Variants in ITSN2 observed in about 807,000 individuals in gnomAD.
ITSN2 encodes intersectin-2.
A neutral mutation model predicts 243.7 loss-of-function variants in ITSN2; 156 were observed. The observed-to-expected ratio is 0.64, with a 90% CI of 0.56 to 0.73. ITSN2 has a LOEUF of 0.73. ITSN2 is among the 30% of genes least tolerant of loss of function. ITSN2 has a pLI of 0.00. For missense variants in ITSN2, 1,801 were observed against 1,996.1 expected (o/e 0.90, Z 1.86); for synonymous variants, 703 against 699.9 (o/e 1.00, Z -0.07).
chr2:24,302,419 C>T (rs1245902250), intron 9 of ITSN2, among the ~76,000 whole-genome samples: 1 of 151,942 alleles, frequency 6.6e-6, no homozygotes, highest in Admixed American at 6.6e-5. Flanking sequence ...AGGATGGTCT[C>T]GATCTCCTGA....
At position 24,210,919 on chromosome 2, in the gene ITSN2, G is replaced by A; in HGVS notation, c.4118C>T (p.Ala1373Val). The A allele has an allele frequency of 6.2e-7, 1 of 1,614,220 alleles. No individual in the cohort carries two copies. The highest frequency in any genetic ancestry group is 8.5e-7 in the Non-Finnish European group (1 of 1,180,038). Residue 1373 changes from alanine to valine, a missense_variant, in exon 34 of 40, where the codon GCA becomes GTA. Ala to Val is a moderately conservative substitution (Grantham distance 64). Coordinates refer to ENST00000355123, the MANE Select transcript of ITSN2 (RefSeq NM_006277.3). ...GGCCAGCTTTAGGGAGGAATGGTCTGCATGGCTCTCCGGGGTGTTCTCCAG... is the reference window on the plus strand; with the variant it reads ...GGCCAGCTTTAGGGAGGAATGGTCTACATGGCTCTCCGGGGTGTTCTCCAG... ...SILENTPESH[A>V]DHSSLKLALE...
chr2:24,299,225 G>A (rs528515531), intron 12 of ITSN2, among the ~76,000 whole-genome samples: 1 of 151,946 alleles, frequency 6.6e-6, no homozygotes, highest in African/African-American at 2.4e-5. Context: ...TAGAGAGAGG[G>A]TTTCACCATG....
chr2:24,261,397 T>C (rs1675835590), intron 21 of ITSN2, 147 bp from the exon 22 acceptor site: 3 of 888,472 alleles, frequency 3.4e-6, no homozygotes, highest in East Asian at 2.6e-5. Context: ...TACTGACCCA[T>C]GTTTTCACTT....
At chr2:24,284,710 A>G in intron 17 of ITSN2, 53 bp downstream of exon 17, 1 of 1,100,494 alleles carries the variant, frequency 9.1e-7, no homozygotes, top group Non-Finnish European at 1.4e-6. Flanking sequence ...AGTTTTAAAA[A>G]AATAAAACAG....
chr2:24,257,106 C>T (rs1218773862), intron 23 of ITSN2, among the ~76,000 whole-genome samples: 1 of 152,084 alleles, frequency 6.6e-6, no homozygotes, highest in Non-Finnish European at 1.5e-5. Flanking sequence ...CGCTTGAGCC[C>T]AGGAGTTTGA....
chr2:24,234,568 C>T (rs1671942818), intron 29 of ITSN2, among the ~76,000 whole-genome samples: 1 of 151,834 alleles, frequency 6.6e-6, no homozygotes. Context: ...AGACAAGGCA[C>T]AGACTGAAAA....
At chr2:24,321,826 C>T (rs1333393413) in intron 2 of ITSN2, 1 of 152,148 alleles carries the variant, frequency 6.6e-6, no homozygotes, top group Non-Finnish European at 1.5e-5. Context: ...TTATTGAACC[C>T]TGACTATTGT....
chr2:24,332,440 TTAA>T (rs972642068), intron 1 of ITSN2, among the ~76,000 whole-genome samples: 1 of 152,080 alleles, frequency 6.6e-6, no homozygotes, highest in Admixed American at 6.6e-5. Context: ...GAACTAAATA[TTAA>T]TAATATTACT....
chr2:24,275,615 C>T, intron 18 of ITSN2, 98 bp downstream of exon 18: 1 of 916,360 alleles, frequency 1.1e-6, no homozygotes, highest in South Asian at 1.9e-5. Flanking sequence ...TTAGGATAAT[C>T]CCTTTATTTT....
At chr2:24,265,757 G>A (rs917878178) in intron 20 of ITSN2, among the ~76,000 whole-genome samples, 2 of 152,132 alleles carry the variant, frequency 1.3e-5, no homozygotes. Flanking sequence ...CCATTTGTTC[G>A]ATATTCTAGG....
chr2:24,263,451 G>T (rs1269896648), intron 20 of ITSN2, among the ~76,000 whole-genome samples: 2 of 151,966 alleles, frequency 1.3e-5, no homozygotes, highest in African/African-American at 2.4e-5. Context: ...CATGTTTAAG[G>T]TGTTAAATTT....
intron 29 of ITSN2, among the ~76,000 whole-genome samples, chr2:24,227,224 C>T (rs561762712): frequency 6.6e-6 from 1 of 150,754 alleles, no homozygotes; most frequent in African/African-American, 2.4e-5. Flanking sequence ...GAGGGTCACA[C>T]TCACAACTGT....
At chr2:24,322,562 C>CT (rs1684700533) in intron 2 of ITSN2, among the ~76,000 whole-genome samples, 1 of 152,118 alleles carries the variant, frequency 6.6e-6, no homozygotes, top group Non-Finnish European at 1.5e-5. Flanking sequence ...GAACCTCAAC[C>CT]TTCCAGCATA....
At chr2:24,208,113 C>T in intron 37 of ITSN2, 124 bp downstream of exon 37, 1 of 843,094 alleles carries the variant, frequency 1.2e-6, no homozygotes. Flanking sequence ...GCTCTCTGGT[C>T]TGATCCCGCA....
At chr2:24,306,459 G>T (rs763429911) in intron 8 of ITSN2, among the ~76,000 whole-genome samples, 5 of 152,110 alleles carry the variant, frequency 3.3e-5, no homozygotes, top group Non-Finnish European at 5.9e-5. Context: ...GGGTTAAATG[G>T]TATGGTCCTT....
At position 24,310,616 on chromosome 2, in the gene ITSN2, C is replaced by A; in HGVS notation, c.429G>T (p.Ala143=). 1 of 1,613,996 alleles carries A rather than the reference C, an allele frequency of 6.2e-7. No homozygotes were observed. Among genetic ancestry groups the A allele is most frequent in the Non-Finnish European group, 8.5e-7 (1 of 1,179,994 alleles). ...AGGGAGGAAGGTTGGTCCCTGAAGT[C>A]GCAGAAGACAATGATGTTATAGGTG... ...PAAPITSLSS[A]TSGTNLPPLM... Residue 143 remains alanine (A), a synonymous_variant, in exon 6 of 40, where the codon GCG becomes GCT. Transcript: ENST00000355123.
intron 1 of ITSN2, among the ~76,000 whole-genome samples, chr2:24,359,830 G>C (rs767471094): frequency 1.1e-4 from 16 of 152,160 alleles, no homozygotes; most frequent in South Asian, 2.1e-4. Flanking sequence ...GCACCGGGAT[G>C]CGGCTCACCT....
At chr2:24,313,249 A>C (rs935057102) in intron 4 of ITSN2, among the ~76,000 whole-genome samples, 1 of 151,682 alleles carries the variant, frequency 6.6e-6, no homozygotes, top group African/African-American at 2.4e-5. Context: ...ACACCCAGCT[A>C]ATTTTTTTTT....
chr2:24,207,431 A>G (rs1669010637), intron 37 of ITSN2, among the ~76,000 whole-genome samples: 1 of 151,976 alleles, frequency 6.6e-6, no homozygotes, highest in Admixed American at 6.5e-5. Flanking sequence ...GGAAAAGCCG[A>G]TGTGTGATGT....
Sources: gnomAD v4.1 joint callset for allele counts (sites outside exome capture counted in the v4.1 genomes callset) on GRCh38, gnomAD v4.1.1 for gene constraint, MANE v1.5 for transcripts, NCBI Gene and HGNC (gene_info 2026-07-23, HGNC 2026-07-21) for gene names.